Variants in MYCBP2 observed in about 807,000 individuals in gnomAD.
MYCBP2 encodes E3 ubiquitin-protein ligase MYCBP2.
In MYCBP2, 120 loss-of-function variants were observed where a neutral mutation model predicts 525.3. The observed-to-expected ratio is 0.23, with a 90% confidence interval of 0.20 to 0.27. MYCBP2 has a LOEUF of 0.27. Among genes scored for constraint, MYCBP2 ranks in the 10% least tolerant of loss-of-function variants. MYCBP2 has a pLI of 1.00. For synonymous variants in MYCBP2, 1,894 were observed against 1,955.8 expected, an observed-to-expected ratio of 0.97 and a Z score of 0.83; for missense variants, 4,149 against 5,657.1, an observed-to-expected ratio of 0.73 and a Z score of 8.55.
intron 26 of MYCBP2, among the ~76,000 whole-genome samples, chr13:77,202,601 T>G (rs866835477): frequency 2.0e-5 from 3 of 151,660 alleles, no homozygotes; most frequent in Non-Finnish European, 2.9e-5. Flanking sequence ...AAAAAGAGAA[T>G]TTTAGACCAA....
chr13:77,068,028 A>AG (rs935042798), intron 70 of MYCBP2, among the ~76,000 whole-genome samples, 164 bp from the exon 71 acceptor site: 2 of 152,100 alleles, frequency 1.3e-5, no homozygotes, highest in Admixed American at 6.5e-5. Flanking sequence ...CCTAGGCTCA[A>AG]GGGATCCTCC....
chr13:77,112,047 G>C (rs1243864056), intron 55 of MYCBP2, among the ~76,000 whole-genome samples: 2 of 151,988 alleles, frequency 1.3e-5, no homozygotes, highest in Non-Finnish European at 2.9e-5. Flanking sequence ...ATGGTGCCTG[G>C]CATGTGATAA....
chr13:77,166,609 C>A (rs1022477837), intron 40 of MYCBP2, 55 bp from the exon 41 acceptor site: 1 of 1,220,972 alleles, frequency 8.2e-7, no homozygotes, highest in Non-Finnish European at 1.2e-6. Context: ...CACAAACATA[C>A]ACATCTGCAT....
At chr13:77,075,164 T>C (rs935812329) in intron 68 of MYCBP2, among the ~76,000 whole-genome samples, 1 of 152,132 alleles carries the variant, frequency 6.6e-6, no homozygotes, top group Admixed American at 6.5e-5. Context: ...GCCGTGATCA[T>C]ACCACTGCAC....
chr13:77,243,705 T>C (rs555747495), intron 16 of MYCBP2, 101 bp downstream of exon 16: 4 of 1,012,284 alleles, frequency 4.0e-6, no homozygotes, highest in African/African-American at 1.7e-5. Flanking sequence ...TTAATTATTA[T>C]CCTAATTTAT....
At chr13:77,287,188 G>A (rs1188206627) in intron 3 of MYCBP2, among the ~76,000 whole-genome samples, 1 of 134,920 alleles carries the variant, frequency 7.4e-6, no homozygotes, top group Non-Finnish European at 1.6e-5. Flanking sequence ...CGCCCAGCCA[G>A]TTTCTTTTTT....
chr13:77,256,076 C>G (rs1474762268), intron 14 of MYCBP2, among the ~76,000 whole-genome samples: 1 of 151,986 alleles, frequency 6.6e-6, no homozygotes, highest in Non-Finnish European at 1.5e-5. Flanking sequence ...GCCCTTTGTT[C>G]TCTTCAATGG....
rs749740503 is a variant in MYCBP2 at position 77,051,935 on chromosome 13, T to G, written c.13648-17A>C. ...AAAATATGCCTGTGGAGAAAACACA[T>G]CTAGATTACAGCAGGAAAAAAGAAA... is the stretch of plus-strand genomic sequence containing the variant. On this transcript the variant is annotated splice_polypyrimidine_tract_variant and intron_variant, in intron 80 of 82. Coordinates refer to ENST00000544440, the MANE Select transcript of MYCBP2 (RefSeq NM_015057.5). 68 of 1,602,800 alleles carry G rather than the reference T, an allele frequency of 4.2e-5. No homozygotes were observed. The highest frequency in any genetic ancestry group is 5.5e-5 in the Non-Finnish European group (64 of 1,170,212).
intron 2 of MYCBP2, among the ~76,000 whole-genome samples, chr13:77,289,353 AT>A (rs1404726260): frequency 6.6e-6 from 1 of 152,150 alleles, no homozygotes; most frequent in Non-Finnish European, 1.5e-5. Flanking sequence ...CCAACAATAT[AT>A]AAAAAAGTAA....
intron 52 of MYCBP2, among the ~76,000 whole-genome samples, chr13:77,128,523 A>G (rs1410099115): frequency 6.6e-6 from 1 of 151,924 alleles, no homozygotes; most frequent in Non-Finnish European, 1.5e-5. Context: ...ACTGAAAGGC[A>G]ATTATGAAAA....
At chr13:77,166,976 TACAC>T (rs539593054) in intron 40 of MYCBP2, among the ~76,000 whole-genome samples, 16,111 of 126,768 alleles carry the variant, frequency 0.13, 950 homozygotes, top group African/African-American at 0.16. Flanking sequence ...AACACACACA[TACAC>T]ACACACACAC....
chr13:77,077,457 A>G, intron 66 of MYCBP2, 70 bp from the exon 67 acceptor site: 1 of 1,558,860 alleles, frequency 6.4e-7, no homozygotes, highest in East Asian at 2.3e-5. Flanking sequence ...TGGACTTAGC[A>G]TTGATACCAG....
Position 77,060,187 on chromosome 13 carries a change from G to A in MYCBP2, c.13037-561C>T, listed in dbSNP as rs976359808. ...AGAACAGAGCAATAAGAAAAAGAAC[G>A]TGAAGATTTGAAAATTACAGACCAA... is the stretch of plus-strand genomic sequence containing the variant. On this transcript the variant is annotated intron_variant, in intron 76 of 82. Coordinates refer to ENST00000544440, the MANE Select transcript of MYCBP2 (RefSeq NM_015057.5). Among the ~76,000 whole-genome samples the A allele has an allele frequency of 9.2e-5, 14 of 151,982 alleles. No individual in the cohort carries two copies. The East Asian group carries it at 1.3e-3, about 15-fold the overall frequency.
At chr13:77,123,419 A>G (rs183099459) in intron 54 of MYCBP2, among the ~76,000 whole-genome samples, 35 of 152,326 alleles carry the variant, frequency 2.3e-4, no homozygotes, top group Admixed American at 1.9e-3. Context: ...AGAAGCTTCT[A>G]TCTTCTAAGT....
intron 53 of MYCBP2, 31 bp downstream of exon 53, chr13:77,126,287 T>C: frequency 6.3e-7 from 1 of 1,585,024 alleles, no homozygotes; most frequent in Non-Finnish European, 8.7e-7. Context: ...AATGAGTATC[T>C]TAGAAGTCAT....
intron 54 of MYCBP2, among the ~76,000 whole-genome samples, chr13:77,124,510 A>AT: frequency 6.6e-6 from 1 of 152,184 alleles, no homozygotes. Context: ...ATGTGCTATT[A>AT]TTTTTATAAT....
chr13:77,081,362 G>A lies in MYCBP2; in HGVS notation c.11418+65C>T. 7.5e-7 allele frequency: 1 copy of A among 1,341,882 alleles called. No homozygotes were observed. Among genetic ancestry groups the A allele is most frequent in the Middle Eastern group, 2.7e-4 (1 of 3,754 alleles). 83.1% of individuals were successfully genotyped at this position (1,341,882 alleles called of 1,614,324 possible). A position where few individuals can be genotyped will look rare whatever the true frequency, so the allele number is the denominator to read the frequency against. ...AAAGCTTGTTGCTAAATTCAGAAAT[G>A]AAAGTGCATGAATACTAAGATCTGA... is the stretch of plus-strand genomic sequence containing the variant. On this transcript the variant is annotated intron_variant, in intron 65 of 82. Coordinates refer to ENST00000544440, the MANE Select transcript of MYCBP2 (RefSeq NM_015057.5). The surrounding 1 kb of genome is among the most constrained non-coding windows in gnomAD (Gnocchi z 4.6).
At position 77,135,323 on chromosome 13, in the gene MYCBP2, G is replaced by A. The variant is rs566850751; in HGVS notation, c.7659+3873C>T. ...ACTTTAAACGAACTGAAGTAAGAAG[G>A]GAGAAAGATAGTTTTTCCAGCAGTA... On this transcript the variant is annotated intron_variant, in intron 52 of 82. Coordinates refer to ENST00000544440, the MANE Select transcript of MYCBP2 (RefSeq NM_015057.5). Among the ~76,000 whole-genome samples, 5 of 152,228 alleles carry A rather than the reference G, an allele frequency of 3.3e-5. No individual in the cohort carries two copies. The South Asian group carries it at 8.3e-4, about 25-fold the overall frequency.
chr13:77,073,823 A>G (rs898697955), intron 68 of MYCBP2, among the ~76,000 whole-genome samples: 2 of 152,196 alleles, frequency 1.3e-5, no homozygotes, highest in Non-Finnish European at 2.9e-5. Flanking sequence ...ATTTAATAAA[A>G]TATGTACAAG....
Sources: allele counts gnomAD v4.1 joint callset (sites outside exome capture counted in the v4.1 genomes callset), GRCh38; gene constraint gnomAD v4.1.1; non-coding constraint Gnocchi (gnomAD v3.1); transcripts MANE v1.5; gene names NCBI Gene and HGNC (gene_info 2026-07-23, HGNC 2026-07-21).